ADGRB3: variants seen among roughly 807,000 people sequenced by gnomAD.
ADGRB3 encodes the protein adhesion G protein-coupled receptor B3.
Under a neutral mutation model 193.4 loss-of-function variants are expected in ADGRB3, and 37 were observed. The ratio of observed to expected loss-of-function variants is 0.19; its 90% CI spans 0.15 to 0.25. The LOEUF (loss-of-function observed/expected upper bound fraction) is 0.25. ADGRB3 is among the 10% of genes least tolerant of loss of function. ADGRB3 has a pLI of 1.00. For missense variants in ADGRB3, 1,637 were observed against 1,852.9 expected (o/e 0.88, Z 2.14); for synonymous variants, 690 against 644.2 (o/e 1.07, Z -1.08).
intron 10 of ADGRB3, among the ~76,000 whole-genome samples, chr6:68,982,210 C>T (rs1424647615): frequency 5.3e-5 from 8 of 151,966 alleles, no homozygotes; most frequent in Admixed American, 2.0e-4. Context: ...TTTTGTCTGT[C>T]GTATCTCCTG....
At chr6:68,813,636 A>G (rs1484448341) in intron 3 of ADGRB3, among the ~76,000 whole-genome samples, 1 of 151,482 alleles carries the variant, frequency 6.6e-6, no homozygotes, top group African/African-American at 2.4e-5. Flanking sequence ...TACGTGTGCC[A>G]TGTTGGTGTG....
chr6:68,672,174 A>G (rs1192053730), intron 3 of ADGRB3, among the ~76,000 whole-genome samples: 1 of 151,838 alleles, frequency 6.6e-6, no homozygotes, highest in African/African-American at 2.4e-5. Context: ...GTCTGGCTAA[A>G]AGTTTGTAAA....
intron 20 of ADGRB3, among the ~76,000 whole-genome samples, chr6:69,293,962 G>A (rs974343473): frequency 2.6e-5 from 4 of 152,058 alleles, no homozygotes; most frequent in Admixed American, 6.6e-5. Flanking sequence ...CCTTTTCCAG[G>A]GGGGAGGGTA....
chr6:69,252,086 G>A (rs1315524769), intron 20 of ADGRB3, among the ~76,000 whole-genome samples: 1 of 152,040 alleles, frequency 6.6e-6, no homozygotes, highest in African/African-American at 2.4e-5. Flanking sequence ...ATAGGCAAGC[G>A]TTGTTCTGAT....
At chr6:68,980,272 G>T (rs1408908324) in intron 10 of ADGRB3, among the ~76,000 whole-genome samples, 2 of 151,432 alleles carry the variant, frequency 1.3e-5, no homozygotes, top group African/African-American at 4.8e-5. Context: ...TAAAGAACTT[G>T]AATCCCATTT....
chr6:68,724,333 G>A (rs1765636266), intron 3 of ADGRB3, among the ~76,000 whole-genome samples: 2 of 151,600 alleles, frequency 1.3e-5, no homozygotes, highest in African/African-American at 4.8e-5. Context: ...AACTAAATAA[G>A]AGATTCTATG....
intron 3 of ADGRB3, among the ~76,000 whole-genome samples, chr6:68,831,362 G>A (rs945441203): frequency 1.3e-5 from 2 of 149,818 alleles, no homozygotes; most frequent in Non-Finnish European, 3.0e-5. Context: ...TGAATTTGAA[G>A]TATTCCAGAT....
At chr6:68,650,693 ATCT>A (rs1314061540) in intron 3 of ADGRB3, among the ~76,000 whole-genome samples, 1 of 152,192 alleles carries the variant, frequency 6.6e-6, no homozygotes, top group South Asian at 2.1e-4. Flanking sequence ...ATTTTTGTGT[ATCT>A]TCTTCGTTTT....
chr6:69,268,331 C>T (rs1767092830), intron 20 of ADGRB3, among the ~76,000 whole-genome samples: 1 of 152,064 alleles, frequency 6.6e-6, no homozygotes, highest in Non-Finnish European at 1.5e-5. Context: ...TTTTCTTGGG[C>T]ATTATTGCTG....
chr6:69,018,366 T>G, intron 12 of ADGRB3, 25 bp from the exon 13 acceptor site: 1 of 1,489,248 alleles, frequency 6.7e-7, no homozygotes, highest in Non-Finnish European at 9.3e-7. Context: ...TTTTTATTCC[T>G]TCTAACCTTT....
chr6:68,658,379 T>C (rs1161184884), intron 3 of ADGRB3, among the ~76,000 whole-genome samples: 1 of 151,328 alleles, frequency 6.6e-6, no homozygotes, highest in Non-Finnish European at 1.5e-5. Context: ...ATATATGTAT[T>C]TTAAATCCTG....
At chr6:68,686,193 GT>G (rs1489449068) in intron 3 of ADGRB3, among the ~76,000 whole-genome samples, 2 of 152,040 alleles carry the variant, frequency 1.3e-5, no homozygotes, top group African/African-American at 2.4e-5. Context: ...CAGAAGCATT[GT>G]TGTGTGGAGA....
intron 3 of ADGRB3, among the ~76,000 whole-genome samples, chr6:68,836,149 T>A (rs1768042325): frequency 6.6e-6 from 1 of 152,130 alleles, no homozygotes; most frequent in Admixed American, 6.6e-5. Context: ...CTGAGTTGTA[T>A]TAGAAATGCC....
At chr6:68,986,258 C>A (rs899138176) in intron 10 of ADGRB3, among the ~76,000 whole-genome samples, 2 of 152,134 alleles carry the variant, frequency 1.3e-5, no homozygotes, top group South Asian at 4.1e-4. Context: ...GCTGTCCAAT[C>A]TCTCACTTCA....
intron 26 of ADGRB3, among the ~76,000 whole-genome samples, chr6:69,340,066 A>T (rs1768943369): frequency 6.6e-6 from 1 of 152,288 alleles, no homozygotes; most frequent in East Asian, 1.9e-4. Flanking sequence ...CTCTTAGAAA[A>T]ATACTAAAAA....
At chr6:69,125,841 G>T (rs796555023) in intron 17 of ADGRB3, among the ~76,000 whole-genome samples, 1 of 151,970 alleles carries the variant, frequency 6.6e-6, no homozygotes, top group African/African-American at 2.4e-5. Flanking sequence ...TTCTGTTCTG[G>T]TATCTCTTTC....
chr6:68,658,253 C>A (rs1768536508), intron 3 of ADGRB3, among the ~76,000 whole-genome samples: 1 of 151,128 alleles, frequency 6.6e-6, no homozygotes, highest in African/African-American at 2.4e-5. Flanking sequence ...ATTCTCTGAG[C>A]CCTTACACTA....
chr6:68,706,168 T>C (rs73461996), intron 3 of ADGRB3, among the ~76,000 whole-genome samples: 4,921 of 152,088 alleles, frequency 0.032, 143 homozygotes, highest in African/African-American at 0.073. Flanking sequence ...GATAGAGTCT[T>C]TTTCACTAGC....
intron 3 of ADGRB3, among the ~76,000 whole-genome samples, chr6:68,815,351 T>C (rs1041153139): frequency 6.6e-6 from 1 of 152,126 alleles, no homozygotes; most frequent in Non-Finnish European, 1.5e-5. Context: ...TATAAGGTAA[T>C]TACAGTATTG....
Sources: gnomAD v4.1 joint callset for allele counts (sites outside exome capture counted in the v4.1 genomes callset) on GRCh38, gnomAD v4.1.1 for gene constraint, MANE v1.5 for transcripts, NCBI Gene and HGNC (gene_info 2026-07-23, HGNC 2026-07-21) for gene names.